Variants in ZNHIT1 observed in about 807,000 individuals in gnomAD.
ZNHIT1 encodes the protein zinc finger HIT-type containing 1, also known as zinc finger HIT domain-containing protein 1.
Under a neutral mutation model 21.4 loss-of-function variants are expected in ZNHIT1, and 20 were observed. That is an observed-to-expected ratio of 0.93 (90% CI 0.66 to 1.36). The LOEUF is 1.36. Among genes scored for constraint, ZNHIT1 ranks in the 40% most tolerant of loss-of-function variants. The probability of loss-of-function intolerance (pLI) is 0.00; values close to 1 mark genes in which losing one functional copy is unlikely to be tolerated. For missense variants in ZNHIT1, 170 were observed against 213.5 expected, an observed-to-expected ratio of 0.80 and a Z score of 1.27; for synonymous variants, 79 against 84.0, an observed-to-expected ratio of 0.94 and a Z score of 0.32.
At chr7:101,222,988 C>G (rs1798397464) in intron 2 of ZNHIT1, among the ~76,000 whole-genome samples, 1 of 152,324 alleles carries the variant, frequency 6.6e-6, no homozygotes, top group South Asian at 2.1e-4. Context: ...TGACACGAAG[C>G]CTTAGGCTTG....
In ZNHIT1 at chr7:101,223,722, C is replaced by G. The variant is rs763158954; in HGVS notation, c.323C>G (p.Pro108Arg). ...GPNYLTACAG[P>R]PSRPQRPFCA... Reference sequence around the variant, plus strand: ...AACTACCTGACGGCCTGTGCGGGACCCCCATCGCGGCCCCAGCGCCCCTTC... The same window carrying G: ...AACTACCTGACGGCCTGTGCGGGACGCCCATCGCGGCCCCAGCGCCCCTTC... Residue 108 changes from proline to arginine, a missense_variant, in exon 4 of 5, where the codon CCC becomes CGC. Coordinates refer to ENST00000305105, the MANE Select transcript of ZNHIT1 (RefSeq NM_006349.3). 1.2e-6 allele frequency: 2 copies of G among 1,612,878 alleles called. No individual in the cohort carries two copies. The highest frequency in any genetic ancestry group is 1.7e-6 in the Non-Finnish European group (2 of 1,179,540).
intron 1 of ZNHIT1, chr7:101,219,429 C>CG (rs1554380163): frequency 7.2e-6 from 1 of 139,466 alleles, no homozygotes; most frequent in Non-Finnish European, 1.5e-5. Flanking sequence ...TTCTTTCTTT[C>CG]TTTTTTTTTC....
chr7:101,221,674 G>A (rs1360445632), intron 1 of ZNHIT1: 1 of 152,200 alleles, frequency 6.6e-6, no homozygotes, highest in Non-Finnish European at 1.5e-5. Flanking sequence ...CAGAGAAGAG[G>A]GCCAGCCACC....
intron 3 of ZNHIT1, 44 bp downstream of exon 3, chr7:101,223,600 G>T (rs751542267): frequency 6.2e-7 from 1 of 1,614,062 alleles, no homozygotes; most frequent in South Asian, 1.1e-5. Context: ...GGGAAGGGGT[G>T]AGCCTGGCCC....
In ZNHIT1 at chr7:101,223,957, G is replaced by A; in HGVS notation, c.464G>A (p.Ter155=). 1 of 1,614,162 alleles carries A rather than the reference G, an allele frequency of 6.2e-7. No individual in the cohort carries two copies. The highest frequency in any genetic ancestry group is 8.5e-7 in the Non-Finnish European group (1 of 1,180,042). ...QETRCLKWTV[*] is the part of the protein sequence containing the mutation. ...TGCAGGTGTCTGAAGTGGACTGTGT[G>A]AGCCTGGGCATTCCCAGAGAGGAAG... The change falls in exon 5 of 5, where the codon TGA becomes TAA. Residue 155 remains the stop codon, a stop_retained_variant. Coordinates refer to ENST00000305105, the MANE Select transcript of ZNHIT1 (RefSeq NM_006349.3).
rs1183992939 is a variant in ZNHIT1, at chr7:101,224,151, G to GC, written c.*199dup. The GC allele has an allele frequency of 7.7e-6, 6 of 782,948 alleles. No homozygotes were observed. The East Asian group carries it at 8.0e-5, about 10-fold the overall frequency. The allele number at this position is 782,948 out of a possible 1,614,324, so 48.5% of individuals were successfully genotyped here. On this transcript the variant is annotated 3_prime_UTR_variant, in exon 5 of 5. Coordinates refer to ENST00000305105, the MANE Select transcript of ZNHIT1 (RefSeq NM_006349.3). ...GGGAACTGTCTGGCAGGTAGGCTGG[G>GC]CCCCCCAGTGCTGTTAGAATAAAAA...
At chr7:101,223,581 G>T (rs1178795697) in intron 3 of ZNHIT1, 25 bp downstream of exon 3, 2 of 1,614,150 alleles carry the variant, frequency 1.2e-6, no homozygotes, top group Non-Finnish European at 1.7e-6. Context: ...GGCCTGGGAG[G>T]ACCCCACAGG....
chr7:101,222,650 C>G lies in ZNHIT1; in HGVS notation c.69C>G (p.Ala23=). 1.9e-6 allele frequency: 3 copies of G among 1,613,896 alleles called. No individual in the cohort carries two copies. Residue 23 remains alanine, a synonymous_variant, in exon 2 of 5, where the codon GCC becomes GCG. Coordinates refer to ENST00000305105, the MANE Select transcript of ZNHIT1 (RefSeq NM_006349.3). ...PGQRRVLDRA[A]RQRRINRQLE... ...AGCGGCGGGTGCTGGACCGGGCTGC[C>G]CGGCAGCGTCGCATCAACCGGCAGC...
rs1208777170 is a variant in ZNHIT1, at chr7:101,223,557, G to A, written c.273+1G>A. ...CTTTCAGGCCCTGTTGGAGGAGCAG[G>A]TGAGAGGAGGGTCGGCCTGGGAGGA... is the stretch of plus-strand genomic sequence containing the variant. On this transcript the variant is annotated splice_donor_variant, in intron 3 of 4. Transcript: ENST00000305105. LOFTEE classifies it high-confidence loss of function. The A allele has an allele frequency of 6.2e-7, 1 of 1,614,096 alleles. No individual in the cohort carries two copies.
chr7:101,220,125 T>G (rs902829644), intron 1 of ZNHIT1: 5 of 146,382 alleles, frequency 3.4e-5, no homozygotes, highest in Non-Finnish European at 6.0e-5. Flanking sequence ...TTTTTTTTTT[T>G]TTTTTTTTTT....
chr7:101,218,279 C>G, intron 1 of ZNHIT1, 62 bp downstream of exon 1: 6 of 1,560,986 alleles, frequency 3.8e-6, no homozygotes, highest in African/African-American at 1.4e-5. Context: ...AATTTTCTTA[C>G]CTAGTCATTC....
In ZNHIT1 at chr7:101,218,364, C is replaced by T. The variant is rs535704921; in HGVS notation, c.22+147C>T. Reference sequence around the variant, plus strand: ...TCATAGCTCACTGCAGCCTCGATTTCCTGGGATCAAACCATCCTCCCACCT... The same window carrying T: ...TCATAGCTCACTGCAGCCTCGATTTTCTGGGATCAAACCATCCTCCCACCT... On this transcript the variant is annotated intron_variant, in intron 1 of 4. Transcript: ENST00000305105. The T allele has an allele frequency of 4.7e-5, 41 of 875,426 alleles. No individual in the cohort carries two copies. In the South Asian group the frequency reaches 7.0e-4, roughly 15 times the overall value. The allele number at this position is 875,426 out of a possible 1,614,324, so 54.2% of individuals were successfully genotyped here. A position where few individuals can be genotyped will look rare whatever the true frequency, so the allele number is the denominator to read the frequency against.
Position 101,223,660 on chromosome 7 carries a change from C to G in ZNHIT1, c.274-13C>G. The G allele has an allele frequency of 1.9e-6, 3 of 1,611,224 alleles. No individual in the cohort carries two copies. The highest frequency in any genetic ancestry group is 2.5e-6 in the Non-Finnish European group (3 of 1,178,416). On this transcript the variant is annotated splice_polypyrimidine_tract_variant and intron_variant, in intron 3 of 4. Coordinates refer to ENST00000305105, the MANE Select transcript of ZNHIT1 (RefSeq NM_006349.3). ...GGCGGAGGAGTTCTAGAGCCGGCCCCTTGTCTCTGCAGAACTTGAGTGTGG... is the reference window on the plus strand; with the variant it reads ...GGCGGAGGAGTTCTAGAGCCGGCCCGTTGTCTCTGCAGAACTTGAGTGTGG...
intron 1 of ZNHIT1, chr7:101,219,799 C>T (rs1562898254): frequency 6.6e-6 from 1 of 152,194 alleles, no homozygotes; most frequent in Non-Finnish European, 1.5e-5. Context: ...TCTGAAATAC[C>T]CCGCTGTCTC....
In ZNHIT1 at chr7:101,218,190, G is replaced by A. The variant is rs1178214867; in HGVS notation, c.-6G>A. 7 of 1,613,416 alleles carry A rather than the reference G, an allele frequency of 4.3e-6. No homozygotes were observed. The Middle Eastern group carries it at 5.0e-4, about 114-fold the overall frequency. Reference sequence around the variant, plus strand: ...AGCAGTTTCTTCCGACAGTTGTGTTGTGCCAATGGTGGAGAAGAAAACTTC... The same window carrying A: ...AGCAGTTTCTTCCGACAGTTGTGTTATGCCAATGGTGGAGAAGAAAACTTC... On this transcript the variant is annotated 5_prime_UTR_variant, in exon 1 of 5. It adds an upstream start codon to the 5' untranslated region. Coordinates refer to ENST00000305105, the MANE Select transcript of ZNHIT1 (RefSeq NM_006349.3).
intron 1 of ZNHIT1, chr7:101,221,992 G>A (rs1798377952): frequency 6.6e-6 from 1 of 152,344 alleles, no homozygotes; most frequent in South Asian, 2.1e-4. Flanking sequence ...GAAGGAGAAG[G>A]AGCTGTGAAG....
chr7:101,222,495 C>T (rs1798384787), intron 1 of ZNHIT1, 109 bp from the exon 2 acceptor site: 1 of 1,328,952 alleles, frequency 7.5e-7, no homozygotes, highest in African/African-American at 1.5e-5. Flanking sequence ...GGGATGAGAT[C>T]AGAGAGCTGC....
intron 1 of ZNHIT1, 186 bp from the exon 2 acceptor site, chr7:101,222,418 C>T (rs577881613): frequency 1.1e-5 from 6 of 555,046 alleles, no homozygotes; most frequent in East Asian, 3.1e-5. Flanking sequence ...TCTCAGCTGG[C>T]GGGACAGGAA....
At chr7:101,221,261 C>T (rs1798365971) in intron 1 of ZNHIT1, 1 of 146,610 alleles carries the variant, frequency 6.8e-6, no homozygotes, top group Non-Finnish European at 1.5e-5. Context: ...CTTTGTCACT[C>T]AGGCTGGAGT....
Sources: gnomAD v4.1 joint callset for allele counts (sites outside exome capture counted in the v4.1 genomes callset) on GRCh38, gnomAD v4.1.1 for gene constraint, MANE v1.5 for transcripts, NCBI Gene and HGNC (gene_info 2026-07-23, HGNC 2026-07-21) for gene names.